Variants in MYO1D observed in about 807,000 individuals in gnomAD.
MYO1D encodes unconventional myosin-Id.
Under a neutral mutation model 122.0 loss-of-function variants are expected in MYO1D, and 83 were observed. The observed-to-expected ratio is 0.68, with a 90% CI of 0.57 to 0.82. The LOEUF (loss-of-function observed/expected upper bound fraction) is 0.82, where lower values mean the gene tolerates loss of function less well. Ranked by LOEUF, MYO1D falls within the 40% of genes least tolerant of loss-of-function variation. The probability of loss-of-function intolerance (pLI) is 0.00; values close to 1 mark genes in which losing one functional copy is unlikely to be tolerated. For synonymous variants in MYO1D, 464 were observed against 446.9 expected (o/e 1.04, Z -0.48); for missense variants, 1,157 against 1,269.5 (o/e 0.91, Z 1.35).
chr17:32,759,908 G>A, intron 10 of MYO1D: 2 of 523,372 alleles, frequency 3.8e-6, no homozygotes, highest in Non-Finnish European at 6.7e-6. Flanking sequence ...CAAAGTAGAA[G>A]AGGAGAAAAA....
At chr17:32,508,540 TA>T (rs1370055909) in intron 21 of MYO1D, among the ~76,000 whole-genome samples, 2 of 152,202 alleles carry the variant, frequency 1.3e-5, no homozygotes, top group Non-Finnish European at 2.9e-5. Context: ...CCTCCCAAAG[TA>T]CCAGGATTAC....
intron 1 of MYO1D, among the ~76,000 whole-genome samples, chr17:32,856,477 C>T (rs116128012): frequency 2.7e-4 from 41 of 152,312 alleles, no homozygotes; most frequent in African/African-American, 8.9e-4. Flanking sequence ...TCTAGTTGTT[C>T]ACCCCTACTG....
At chr17:32,847,128 C>G (rs2090945452) in intron 1 of MYO1D, among the ~76,000 whole-genome samples, 1 of 152,122 alleles carries the variant, frequency 6.6e-6, no homozygotes, top group Admixed American at 6.5e-5. Context: ...TAATTTAATT[C>G]CATGTAGCCC....
intron 21 of MYO1D, among the ~76,000 whole-genome samples, chr17:32,517,543 C>T (rs1909935554): frequency 6.6e-6 from 1 of 152,188 alleles, no homozygotes; most frequent in South Asian, 2.1e-4. Flanking sequence ...GGCTCCAACC[C>T]CAGAGACTCT....
intron 21 of MYO1D, among the ~76,000 whole-genome samples, chr17:32,552,695 G>A (rs2087028969): frequency 6.6e-6 from 1 of 152,200 alleles, no homozygotes; most frequent in African/African-American, 2.4e-5. Context: ...AAATGCTCTT[G>A]CTCCAATGGA....
At chr17:32,695,529 C>T (rs1481886128) in intron 16 of MYO1D, among the ~76,000 whole-genome samples, 1 of 152,152 alleles carries the variant, frequency 6.6e-6, no homozygotes, top group Non-Finnish European at 1.5e-5. Flanking sequence ...ACAAACTGAC[C>T]ACACCACTTC....
At chr17:32,666,439 A>C (rs2088636275) in intron 16 of MYO1D, among the ~76,000 whole-genome samples, 1 of 152,066 alleles carries the variant, frequency 6.6e-6, no homozygotes, top group African/African-American at 2.4e-5. Flanking sequence ...TCTTTTCGAG[A>C]TGTTAAGAGA....
chr17:32,661,830 T>C (rs1775502973), intron 16 of MYO1D, among the ~76,000 whole-genome samples: 1 of 152,178 alleles, frequency 6.6e-6, no homozygotes, highest in South Asian at 2.1e-4. Flanking sequence ...ATATTAACTC[T>C]ATTATATATT....
At chr17:32,861,030 A>G (rs2091068921) in intron 1 of MYO1D, among the ~76,000 whole-genome samples, 3 of 151,852 alleles carry the variant, frequency 2.0e-5, no homozygotes, top group African/African-American at 7.3e-5. Context: ...ACTCTGTTAT[A>G]CTATAGGGAT....
At chr17:32,822,683 C>T (rs2151059203) in intron 1 of MYO1D, among the ~76,000 whole-genome samples, 1 of 150,004 alleles carries the variant, frequency 6.7e-6, no homozygotes, top group Admixed American at 6.6e-5. Flanking sequence ...GGGTTCCGGC[C>T]CTCGCGCGTC....
chr17:32,665,330 T>G (rs1383497591), intron 16 of MYO1D, among the ~76,000 whole-genome samples: 1 of 152,158 alleles, frequency 6.6e-6, no homozygotes, highest in Non-Finnish European at 1.5e-5. Context: ...TTATGCTCTC[T>G]CCCACTAGAA....
chr17:32,673,579 A>C (rs1167574589), intron 16 of MYO1D, among the ~76,000 whole-genome samples: 1 of 152,234 alleles, frequency 6.6e-6, no homozygotes, highest in East Asian at 1.9e-4. Flanking sequence ...ATGATGAACA[A>C]GGCTTCGGAA....
intron 21 of MYO1D, among the ~76,000 whole-genome samples, chr17:32,526,614 T>G (rs1051675920): frequency 1.3e-5 from 2 of 152,102 alleles, no homozygotes; most frequent in African/African-American, 4.8e-5. Flanking sequence ...TCTTTTTTTT[T>G]TTTTTGTGGG....
At chr17:32,803,312 A>T (rs113362306) in intron 1 of MYO1D, among the ~76,000 whole-genome samples, 5,422 of 151,940 alleles carry the variant, frequency 0.036, 309 homozygotes, top group African/African-American at 0.12. Flanking sequence ...ACACCCAGCT[A>T]ATTTTTTGTA....
At chr17:32,754,269 C>T (rs1442554629) in intron 11 of MYO1D, among the ~76,000 whole-genome samples, 1 of 152,206 alleles carries the variant, frequency 6.6e-6, no homozygotes, top group African/African-American at 2.4e-5. Flanking sequence ...TGACTTCTAA[C>T]TTTGCCCAGT....
chr17:32,854,323 T>G (rs1243731047), intron 1 of MYO1D, among the ~76,000 whole-genome samples: 1 of 152,220 alleles, frequency 6.6e-6, no homozygotes, highest in Admixed American at 6.5e-5. Context: ...TAAAAATTTA[T>G]GAAACTCTGA....
intron 16 of MYO1D, among the ~76,000 whole-genome samples, chr17:32,699,710 T>C (rs2089221354): frequency 6.6e-6 from 1 of 152,162 alleles, no homozygotes; most frequent in Non-Finnish European, 1.5e-5. Flanking sequence ...CATAAAAGCA[T>C]GAGGTGGGAA....
At chr17:32,837,788 C>T (rs1050349326) in intron 1 of MYO1D, among the ~76,000 whole-genome samples, 5 of 152,000 alleles carry the variant, frequency 3.3e-5, no homozygotes, top group Admixed American at 3.3e-4. Flanking sequence ...TCTGATAGGA[C>T]AAAAAATTTG....
chr17:32,593,050 C>G (rs1271295292), intron 21 of MYO1D, among the ~76,000 whole-genome samples: 1 of 152,180 alleles, frequency 6.6e-6, no homozygotes, highest in Non-Finnish European at 1.5e-5. Flanking sequence ...TTGGAAGACA[C>G]CACTTCTCTG....
Sources: gnomAD v4.1 joint callset for allele counts (sites outside exome capture counted in the v4.1 genomes callset) on GRCh38, gnomAD v4.1.1 for gene constraint, MANE v1.5 for transcripts, NCBI Gene and HGNC (gene_info 2026-07-23, HGNC 2026-07-21) for gene names.